Variants in ANAPC2 observed in about 807,000 individuals in gnomAD.
ANAPC2 encodes anaphase-promoting complex subunit 2.
In ANAPC2, 29 loss-of-function variants were observed where a neutral mutation model predicts 84.3. The ratio of observed to expected loss-of-function variants is 0.34; its 90% CI spans 0.26 to 0.47. ANAPC2 has a LOEUF of 0.47. Among genes scored for constraint, ANAPC2 ranks in the 20% least tolerant of loss-of-function variants. The probability of loss-of-function intolerance (pLI) is 1.00; values close to 1 mark genes in which losing one functional copy is unlikely to be tolerated. For missense variants in ANAPC2, 857 were observed against 1,131.7 expected (o/e 0.76, Z 3.48); for synonymous variants, 571 against 479.4 (o/e 1.19, Z -2.50).
At position 137,185,092 on chromosome 9, in the gene ANAPC2, C is replaced by G; in HGVS notation, c.874-5G>C. 6.5e-7 allele frequency: 1 copy of G among 1,535,324 alleles called. No homozygotes were observed. Among genetic ancestry groups the G allele is most frequent in the Non-Finnish European group, 8.8e-7 (1 of 1,140,852 alleles). On this transcript the variant is annotated splice_polypyrimidine_tract_variant and splice_region_variant and intron_variant, in intron 3 of 12. Transcript: ENST00000323927. ...GCCGACCACCCGCTCGATCCACTGTCAGGAGAACGCTAGTGTGAGCTGCAG... is the reference window on the plus strand; with the variant it reads ...GCCGACCACCCGCTCGATCCACTGTGAGGAGAACGCTAGTGTGAGCTGCAG...
intron 3 of ANAPC2, among the ~76,000 whole-genome samples, 183 bp from the exon 4 acceptor site, chr9:137,185,270 C>T (rs1834438265): frequency 6.6e-6 from 1 of 152,200 alleles, no homozygotes; most frequent in Non-Finnish European, 1.5e-5. Context: ...GCCCAAAAGG[C>T]GACGTCCCGG....
rs780787610 is a variant in ANAPC2, at chr9:137,180,400, T to C, written c.1687-16A>G. 14 of 1,612,586 alleles carry C rather than the reference T, an allele frequency of 8.7e-6. No homozygotes were observed. The East Asian group carries it at 2.9e-4, about 33-fold the overall frequency. ...CCGCCATGTCCTGAGGAGGAGCCGG[T>C]GTCACGGGGGACCTGCGGGGCGGCC... On this transcript the variant is annotated splice_polypyrimidine_tract_variant and intron_variant, in intron 9 of 12. Coordinates refer to ENST00000323927, the MANE Select transcript of ANAPC2 (RefSeq NM_013366.4).
At chr9:137,180,008 G>T (rs564658819) in intron 10 of ANAPC2, among the ~76,000 whole-genome samples, 173 bp downstream of exon 10, 1 of 152,240 alleles carries the variant, frequency 6.6e-6, no homozygotes, top group African/African-American at 2.4e-5. Context: ...GGAGGAAGGC[G>T]GAGAGAGCGT....
chr9:137,179,761 G>T lies in ANAPC2; in HGVS notation c.1890+420C>A, dbSNP rs186678324. On this transcript the variant is annotated intron_variant, in intron 10 of 12. Transcript: ENST00000323927. ...AGGTGCGCCTGGGAGTGCTGCCCTG[G>T]GCAGAGGGCAGCCCTGGCTCCCTAG... is the stretch of plus-strand genomic sequence containing the variant. 2.0e-5 allele frequency among the ~76,000 whole-genome samples: 3 copies of T among 152,330 alleles called. No individual in the cohort carries two copies. In the East Asian group the frequency reaches 5.8e-4, roughly 29 times the overall value.
chr9:137,187,305 A>G, intron 2 of ANAPC2, 176 bp downstream of exon 2: 1 of 794,110 alleles, frequency 1.3e-6, no homozygotes, highest in South Asian at 1.9e-5. Context: ...GGTGAGTGAC[A>G]GAAGAGAGAC....
intron 10 of ANAPC2, 80 bp downstream of exon 10, chr9:137,180,101 A>C: frequency 6.8e-7 from 1 of 1,464,708 alleles, no homozygotes; most frequent in Non-Finnish European, 9.2e-7. Flanking sequence ...CGGGGCAGCC[A>C]CAGGCACCAG....
At position 137,183,826 on chromosome 9, in the gene ANAPC2, T is replaced by C. The variant is rs142296136; in HGVS notation, c.1049-35A>G. ...GAAGAACATCCCTCAGGGACAGACA[T>C]GGATGCGTGCGCACGTGCAGGCTGG... On this transcript the variant is annotated intron_variant, in intron 4 of 12. Transcript: ENST00000323927. 234 of 1,609,270 alleles carry C rather than the reference T, an allele frequency of 1.5e-4. No homozygotes were observed. The African/African-American group carries it at 2.6e-3, about 18-fold the overall frequency.
Position 137,185,000 on chromosome 9 carries a change from G to A in ANAPC2, c.961C>T (p.Leu321=). 1 of 1,608,524 alleles carries A rather than the reference G, an allele frequency of 6.2e-7. No individual in the cohort carries two copies. Among genetic ancestry groups the A allele is most frequent in the Non-Finnish European group, 8.5e-7 (1 of 1,178,214 alleles). ...TGCACGTGGCAGCGCCAGCGGCGCA[G>A]GGTGTTGCCGGCCTCGGGAGATGCG... ...RPASPEAGNT[L]RRWRCHVQRF... is the part of the protein sequence containing the mutation. The change falls in exon 4 of 13, where the codon CTG becomes TTG. Residue 321 remains leucine, a synonymous_variant. Transcript: ENST00000323927.
rs769812782 is a variant in ANAPC2 at position 137,183,208 on chromosome 9, G to A, written c.1203C>T (p.Ile401=). The change falls in exon 6 of 13, where the codon ATC becomes ATT. Residue 401 remains isoleucine, a synonymous_variant. Transcript: ENST00000323927. ...VNTCDIITLY[I]SAIKALRVLD... The stretch of plus-strand genomic sequence containing the variant: ...GCACGCGCAGCGCCTTGATGGCAGA[G>A]ATATAGAGGGTGATGATGTCACACG... 1.3e-5 allele frequency: 21 copies of A among 1,613,120 alleles called. No individual in the cohort carries two copies. Among genetic ancestry groups the A allele is most frequent in the Admixed American group, 1.7e-5 (1 of 60,002 alleles).
chr9:137,178,177 G>A (rs538559310), intron 10 of ANAPC2, among the ~76,000 whole-genome samples: 1 of 151,868 alleles, frequency 6.6e-6, no homozygotes, highest in Non-Finnish European at 1.5e-5. Flanking sequence ...TGGCTTGCTA[G>A]GTCCTAGTTC....
chr9:137,176,770 T>G (rs777996014), intron 10 of ANAPC2: 2 of 152,266 alleles, frequency 1.3e-5, no homozygotes, highest in Non-Finnish European at 2.9e-5. Context: ...GGCTGGCTGC[T>G]GCTCTGCTGT....
chr9:137,182,465 T>C lies in ANAPC2; in HGVS notation c.1287-603A>G, dbSNP rs147517181. 3.1e-3 allele frequency among the ~76,000 whole-genome samples: 477 copies of C among 151,722 alleles called. 7 individuals are homozygous for C. The East Asian group carries it at 0.049, about 16-fold the overall frequency. ...CGGAGCTTGCAGTGAGCAGAGATCG[T>C]GCCACTGCACTCCAGCCTGGGCGAA... On this transcript the variant is annotated intron_variant, in intron 6 of 12. Transcript: ENST00000323927.
chr9:137,183,464 G>A (rs558209586), intron 5 of ANAPC2: 28 of 807,446 alleles, frequency 3.5e-5, no homozygotes, highest in African/African-American at 8.6e-5. Context: ...CAGACCTACC[G>A]GTCAGTCCTG....
chr9:137,181,014 G>A (rs1760817476), intron 7 of ANAPC2, 85 bp from the exon 8 acceptor site: 9 of 1,540,194 alleles, frequency 5.8e-6, no homozygotes, highest in South Asian at 2.4e-5. Context: ...CCAGCCAGAC[G>A]GCACAGCCCA....
chr9:137,180,286 G>T lies in ANAPC2; in HGVS notation c.1785C>A (p.Ile595=), dbSNP rs376237670. 6 of 1,613,660 alleles carry T rather than the reference G, an allele frequency of 3.7e-6. No homozygotes were observed. Among genetic ancestry groups the T allele is most frequent in the Non-Finnish European group, 5.1e-6 (6 of 1,180,040 alleles). The part of the protein sequence containing the change: ...EQPPFGVYAV[I]LSSEFWPPFK... ...AGGGCGGCCAGAACTCACTGGACAG[G>T]ATGACAGCGTAGACCCCGAACGGTG... The change falls in exon 10 of 13, where the codon ATC becomes ATA. Residue 595 remains isoleucine (I), a synonymous_variant. Transcript: ENST00000323927.
intron 10 of ANAPC2, among the ~76,000 whole-genome samples, chr9:137,177,920 AAG>A (rs1564375280): frequency 6.6e-6 from 1 of 152,178 alleles, no homozygotes; most frequent in Non-Finnish European, 1.5e-5. Flanking sequence ...CAGAAGCTGG[AAG>A]AGGGGAGGAA....
chr9:137,184,801 A>G (rs1489599038), intron 4 of ANAPC2, 112 bp downstream of exon 4: 10 of 1,362,994 alleles, frequency 7.3e-6, no homozygotes, highest in Non-Finnish European at 9.0e-6. Context: ...GACACAGAGC[A>G]GACACGGTGA....
intron 2 of ANAPC2, 94 bp from the exon 3 acceptor site, chr9:137,186,450 T>A: frequency 6.8e-7 from 1 of 1,465,204 alleles, no homozygotes; most frequent in East Asian, 2.5e-5. Context: ...GCCTGTAGAG[T>A]GCATGCAGCA....
chr9:137,183,507 G>A (rs189770273), intron 5 of ANAPC2, 165 bp downstream of exon 5: 40 of 1,090,300 alleles, frequency 3.7e-5, no homozygotes, highest in East Asian at 3.1e-4. Context: ...GCAAGCTGAC[G>A]GGCACCTCAG....
Sources: gnomAD v4.1 joint callset for allele counts (sites outside exome capture counted in the v4.1 genomes callset) on GRCh38, gnomAD v4.1.1 for gene constraint, MANE v1.5 for transcripts, NCBI Gene and HGNC (gene_info 2026-07-23, HGNC 2026-07-21) for gene names.